TENM3: variants seen among roughly 807,000 people sequenced by gnomAD.
TENM3 encodes the protein teneurin transmembrane protein 3.
A neutral mutation model predicts 255.1 loss-of-function variants in TENM3; 63 were observed. The ratio of observed to expected loss-of-function variants is 0.25; its 90% CI spans 0.20 to 0.30. The LOEUF (loss-of-function observed/expected upper bound fraction) is 0.30, where lower values mean the gene tolerates loss of function less well. TENM3 is among the 10% of genes least tolerant of loss of function. TENM3 has a pLI of 1.00. For missense variants in TENM3, 2,929 were observed against 3,461.1 expected, an observed-to-expected ratio of 0.85 and a Z score of 3.86; for synonymous variants, 1,306 against 1,322.3, an observed-to-expected ratio of 0.99 and a Z score of 0.27.
the TENM3 span, among the ~76,000 whole-genome samples, chr4:181,702,278 T>C: frequency 2.6e-5 from 4 of 152,236 alleles, no homozygotes; most frequent in South Asian, 8.3e-4. Flanking sequence ...TCAGTGCTAA[T>C]GTGTACAACT....
the TENM3 span, among the ~76,000 whole-genome samples, chr4:181,675,744 G>C: frequency 0.15 from 23,282 of 151,998 alleles, 2,206 homozygotes; most frequent in East Asian, 0.23. Context: ...CGCACGAGGG[G>C]TAAACATTTT....
chr4:181,743,354 T>G, the TENM3 span, among the ~76,000 whole-genome samples: 2 of 152,186 alleles, frequency 1.3e-5, no homozygotes, highest in African/African-American at 4.8e-5. Flanking sequence ...CCTGACTTTT[T>G]AATGATTGCC....
At chr4:182,572,127 C>T (rs1467302198) in intron 3 of TENM3, among the ~76,000 whole-genome samples, 3 of 152,316 alleles carry the variant, frequency 2.0e-5, no homozygotes, top group East Asian at 1.9e-4. Flanking sequence ...GTCTGGAACT[C>T]CTGACCTCAG....
At chr4:181,995,297 AAAAAAAAGAAAG>A in the TENM3 span, among the ~76,000 whole-genome samples, 1 of 152,084 alleles carries the variant, frequency 6.6e-6, no homozygotes, top group African/African-American at 2.4e-5. Context: ...CTCAAACAAA[AAAAAAAAGAAAG>A]AAAAAAAGAA....
intron 20 of TENM3, among the ~76,000 whole-genome samples, chr4:182,753,000 G>A (rs924862941): frequency 1.9e-4 from 28 of 144,644 alleles, no homozygotes; most frequent in Non-Finnish European, 3.9e-4. Context: ...AGGCTGGAGA[G>A]CAATGGTGCG....
the TENM3 span, among the ~76,000 whole-genome samples, chr4:182,005,452 T>C: frequency 6.6e-6 from 1 of 152,238 alleles, no homozygotes; most frequent in Non-Finnish European, 1.5e-5. Context: ...ACCAGTACCA[T>C]ACTGTTTTGG....
At chr4:182,440,459 C>T (rs999392724) in intron 3 of TENM3, among the ~76,000 whole-genome samples, 1 of 152,088 alleles carries the variant, frequency 6.6e-6, no homozygotes, top group Middle Eastern at 3.2e-3. Context: ...GCTCACTTCA[C>T]TCCATTTCGT....
At chr4:182,354,607 A>G (rs1203725275) in intron 3 of TENM3, among the ~76,000 whole-genome samples, 1 of 152,176 alleles carries the variant, frequency 6.6e-6, no homozygotes, top group African/African-American at 2.4e-5. Context: ...TACACATATA[A>G]TTTTATACAT....
At chr4:182,787,632 G>C (rs1282717984) in intron 24 of TENM3, among the ~76,000 whole-genome samples, 2 of 151,166 alleles carry the variant, frequency 1.3e-5, no homozygotes, top group Non-Finnish European at 2.9e-5. Flanking sequence ...TACTCGGGAG[G>C]CTGAGGCAGG....
chr4:181,594,196 G>A, the TENM3 span, among the ~76,000 whole-genome samples: 2 of 152,106 alleles, frequency 1.3e-5, no homozygotes, highest in African/African-American at 4.8e-5. Context: ...TGATGAATAA[G>A]CATGATGAAT....
the TENM3 span, among the ~76,000 whole-genome samples, chr4:181,582,669 C>CAAAAAAAAAAAAAAAAAAAAAAAAAAAAA: frequency 8.0e-6 from 1 of 124,756 alleles, no homozygotes; most frequent in Non-Finnish European, 1.6e-5. Flanking sequence ...CAAAACAAAT[C>CAAAAAAAAAAAAAAAAAAAAAAAAAAAAA]AAAAAAAAAA....
At position 182,688,205 on chromosome 4, in the gene TENM3, T is replaced by G. The variant is rs1756737908; in HGVS notation, c.2075T>G (p.Met692Arg). The change falls in exon 12 of 28, where the codon ATG becomes AGG. Residue 692 changes from methionine to arginine, a missense_variant. Transcript: ENST00000511685. Reference sequence around the variant, plus strand: ...GACTGTGGCTCACACGGCGTTTGCATGGGGGGGACGTGTCGCTGTGAAGAA... The same window carrying G: ...GACTGTGGCTCACACGGCGTTTGCAGGGGGGGGACGTGTCGCTGTGAAGAA... ...SVDCGSHGVCMGGTCRCEEGW... is the reference protein window; with the variant it reads ...SVDCGSHGVCRGGTCRCEEGW... The G allele has an allele frequency of 1.2e-6, 2 of 1,613,406 alleles. No homozygotes were observed. The highest frequency in any genetic ancestry group is 1.7e-6 in the Non-Finnish European group (2 of 1,179,694).
At chr4:182,002,347 C>T in the TENM3 span, among the ~76,000 whole-genome samples, 2 of 152,092 alleles carry the variant, frequency 1.3e-5, no homozygotes, top group South Asian at 2.1e-4. Flanking sequence ...AGAGCTTCTC[C>T]CTTTAGGTGA....
chr4:181,943,471 T>A, the TENM3 span, among the ~76,000 whole-genome samples: 4 of 152,218 alleles, frequency 2.6e-5, no homozygotes, highest in Non-Finnish European at 4.4e-5. Context: ...AAGAAAATGC[T>A]TAGTAACAAA....
chr4:182,266,888 T>C (rs1235857804), intron 1 of TENM3, among the ~76,000 whole-genome samples: 2 of 152,202 alleles, frequency 1.3e-5, no homozygotes, highest in Non-Finnish European at 2.9e-5. Context: ...GCTTTAATAG[T>C]GGCTGTCCTA....
At chr4:182,536,623 C>T (rs1214844646) in intron 3 of TENM3, among the ~76,000 whole-genome samples, 15 of 152,220 alleles carry the variant, frequency 9.9e-5, no homozygotes, top group Admixed American at 6.5e-4. Flanking sequence ...GACTGCTGCT[C>T]ATCTTCAGGC....
chr4:181,946,173 T>G, the TENM3 span, among the ~76,000 whole-genome samples: 2 of 152,122 alleles, frequency 1.3e-5, no homozygotes, highest in Admixed American at 6.6e-5. Flanking sequence ...CATGAATATA[T>G]CTCTAGAATA....
rs558264741 is a variant in TENM3 at position 182,199,979 on chromosome 4, G to T, written c.-76+55225G>T. ...TAGGTTCAAGTGATCTGCCTGCCTG[G>T]GTCTCCCAAAGTGCTGGGATTAGGC... On this transcript the variant is annotated intron_variant, in intron 1 of 2. Coordinates refer to the TENM3 transcript ENST00000512480. Among the ~76,000 whole-genome samples, 19 of 152,092 alleles carry T rather than the reference G, an allele frequency of 1.2e-4. 1 individual carries two copies. The South Asian group carries it at 3.9e-3, about 32-fold the overall frequency.
At chr4:181,661,602 C>T in the TENM3 span, among the ~76,000 whole-genome samples, 1 of 151,972 alleles carries the variant, frequency 6.6e-6, no homozygotes, top group Non-Finnish European at 1.5e-5. Flanking sequence ...TTTACTAGCC[C>T]CTACTGAATT....
Sources: allele counts gnomAD v4.1 joint callset (sites outside exome capture counted in the v4.1 genomes callset), GRCh38; gene constraint gnomAD v4.1.1; transcripts MANE v1.5; gene names NCBI Gene and HGNC (gene_info 2026-07-23, HGNC 2026-07-21).